The following CMIP variants were observed in gnomAD, a reference collection of about 807,000 sequenced individuals.
CMIP encodes C-Maf-inducing protein.
Under a neutral mutation model 97.3 loss-of-function variants are expected in CMIP, and 13 were observed. That is an observed-to-expected ratio of 0.13 (90% CI 0.09 to 0.21). The LOEUF is 0.21. CMIP is among the 10% of genes least tolerant of loss of function. CMIP has a pLI of 1.00. For synonymous variants in CMIP, 538 were observed against 436.3 expected (o/e 1.23, Z -2.91); for missense variants, 847 against 1,024.9 (o/e 0.83, Z 2.37).
chr16:81,511,160 C>T (rs1268756096), intron 1 of CMIP, among the ~76,000 whole-genome samples: 3 of 152,202 alleles, frequency 2.0e-5, no homozygotes, highest in African/African-American at 2.4e-5. Flanking sequence ...CCCTCTCTCC[C>T]AGCCACTGTT....
chr16:81,562,362 G>A (rs1308271270), intron 1 of CMIP, among the ~76,000 whole-genome samples: 1 of 152,242 alleles, frequency 6.6e-6, no homozygotes, highest in Non-Finnish European at 1.5e-5. Flanking sequence ...CTGACAAGGG[G>A]GCCCTGTTTA....
intron 1 of CMIP, among the ~76,000 whole-genome samples, chr16:81,585,601 A>C (rs2091368576): frequency 6.6e-6 from 1 of 152,168 alleles, no homozygotes; most frequent in African/African-American, 2.4e-5. Context: ...TCTTTGATTT[A>C]GGATCACATT....
At chr16:81,531,169 CTG>C (rs1375370973) in intron 1 of CMIP, among the ~76,000 whole-genome samples, 2 of 152,132 alleles carry the variant, frequency 1.3e-5, no homozygotes, top group Non-Finnish European at 2.9e-5. Context: ...AATCCAGTGA[CTG>C]TGTCCGTAAA....
chr16:81,661,121 C>G (rs541583801), intron 6 of CMIP, among the ~76,000 whole-genome samples, 175 bp downstream of exon 6: 1 of 152,372 alleles, frequency 6.6e-6, no homozygotes, highest in African/African-American at 2.4e-5. Context: ...GCTACACCCA[C>G]GTCTCTGCCA....
intron 4 of CMIP, among the ~76,000 whole-genome samples, chr16:81,654,469 A>T (rs1489371656): frequency 6.6e-6 from 1 of 152,230 alleles, no homozygotes; most frequent in African/African-American, 2.4e-5. Context: ...AGATATTTAA[A>T]GTAGGAAAAT....
intron 3 of CMIP, chr16:81,651,407 C>T (rs1275459942): frequency 1.3e-5 from 13 of 980,990 alleles, no homozygotes; most frequent in Non-Finnish European, 1.6e-5. Flanking sequence ...TCTCTGGCTT[C>T]GACACAGCGC....
intron 1 of CMIP, among the ~76,000 whole-genome samples, chr16:81,522,757 G>T (rs2090052996): frequency 6.6e-6 from 1 of 152,010 alleles, no homozygotes; most frequent in Non-Finnish European, 1.5e-5. Flanking sequence ...TTAAGTGAAA[G>T]AAATAAAACA....
At chr16:81,533,030 C>G (rs530847155) in intron 1 of CMIP, among the ~76,000 whole-genome samples, 1 of 152,276 alleles carries the variant, frequency 6.6e-6, no homozygotes, top group Non-Finnish European at 1.5e-5. Context: ...TCCCTCCTGT[C>G]TCCTGTCAGA....
At chr16:81,588,702 CTGTCTCCCCCAGCA>C (rs1441502976) in intron 1 of CMIP, among the ~76,000 whole-genome samples, 1 of 152,170 alleles carries the variant, frequency 6.6e-6, no homozygotes, top group African/African-American at 2.4e-5. Flanking sequence ...TCTTTTCTGT[CTGTCTCCCCCAGCA>C]TGCAGGAGAC....
intron 1 of CMIP, among the ~76,000 whole-genome samples, chr16:81,547,845 C>T (rs1170868327): frequency 6.6e-6 from 1 of 152,180 alleles, no homozygotes; most frequent in African/African-American, 2.4e-5. Context: ...TGGCCTGGGA[C>T]CAGCTTGTGC....
At chr16:81,635,531 T>C (rs2150980795) in intron 3 of CMIP, among the ~76,000 whole-genome samples, 1 of 152,324 alleles carries the variant, frequency 6.6e-6, no homozygotes, top group East Asian at 1.9e-4. Context: ...ACATAAGTAT[T>C]ATGCAGTGCC....
Position 81,696,289 on chromosome 16 carries a change from G to C in CMIP, c.1531-271G>C. ...TGCAGCCACAGGCCCGCTTCATTCA[G>C]ATCAGCCAATCAAGCCGGGGCCTGC... On this transcript the variant is annotated intron_variant, in intron 13 of 20. Coordinates refer to ENST00000537098, the MANE Select transcript of CMIP (RefSeq NM_198390.3). 3 of 546,250 alleles carry C rather than the reference G, an allele frequency of 5.5e-6. No individual in the cohort carries two copies. In the South Asian group the frequency reaches 6.1e-5, roughly 11 times the overall value. The allele number at this position is 546,250 out of a possible 1,614,324, so 33.8% of individuals were successfully genotyped here.
At chr16:81,660,992 C>T in intron 6 of CMIP, 46 bp downstream of exon 6, 1 of 1,610,634 alleles carries the variant, frequency 6.2e-7, no homozygotes, top group Non-Finnish European at 8.5e-7. Flanking sequence ...AAGTAACCTC[C>T]CTCTGTGCGC....
intron 6 of CMIP, among the ~76,000 whole-genome samples, chr16:81,663,548 T>C (rs1436738020): frequency 6.6e-6 from 1 of 152,164 alleles, no homozygotes. Context: ...GATATTACAT[T>C]GGTGGCTCCA....
At chr16:81,477,827 T>C (rs187555070) in intron 1 of CMIP, among the ~76,000 whole-genome samples, 1 of 152,348 alleles carries the variant, frequency 6.6e-6, no homozygotes, top group East Asian at 1.9e-4. Context: ...TTTGCCTGCC[T>C]TCCAGTTAGT....
At chr16:81,560,517 C>G (rs972412397) in intron 1 of CMIP, among the ~76,000 whole-genome samples, 3 of 152,160 alleles carry the variant, frequency 2.0e-5, no homozygotes, top group African/African-American at 4.8e-5. Flanking sequence ...TGCGCCCAGC[C>G]AGAAAAACAA....
chr16:81,567,235 G>A (rs748830075), intron 1 of CMIP, among the ~76,000 whole-genome samples: 6 of 152,268 alleles, frequency 3.9e-5, no homozygotes, highest in South Asian at 2.1e-4. Context: ...CCCGCACCAC[G>A]GGAGCTTGTG....
rs111610684 is a variant in CMIP, at chr16:81,577,921, A to T, written c.301-29646A>T. Among the ~76,000 whole-genome samples the T allele has an allele frequency of 2.6e-3, 354 of 137,476 alleles. 6 individuals carry two copies. The highest frequency in any genetic ancestry group is 7.9e-3 in the Middle Eastern group (2 of 252). The allele number at this position is 137,476 out of a possible 152,430, so 90.2% of individuals were successfully genotyped here. A position where few individuals can be genotyped will look rare whatever the true frequency, so the allele number is the denominator to read the frequency against. ...CGCTATTATCACTGTCACCATCACC[A>T]TCATCACCATCACCTTCATCACCAC... On this transcript the variant is annotated intron_variant, in intron 1 of 20. Coordinates refer to ENST00000537098, the MANE Select transcript of CMIP (RefSeq NM_198390.3).
At chr16:81,487,483 G>A (rs2089336397) in intron 1 of CMIP, among the ~76,000 whole-genome samples, 1 of 152,194 alleles carries the variant, frequency 6.6e-6, no homozygotes, top group Non-Finnish European at 1.5e-5. Context: ...CTGCCAAGCG[G>A]GCCGGCTTGG....
Sources: allele counts gnomAD v4.1 joint callset (sites outside exome capture counted in the v4.1 genomes callset), GRCh38; gene constraint gnomAD v4.1.1; transcripts MANE v1.5; gene names NCBI Gene and HGNC (gene_info 2026-07-23, HGNC 2026-07-21).